PRKACA: variants seen among roughly 807,000 people sequenced by gnomAD.
PRKACA encodes protein kinase cAMP-activated catalytic subunit alpha, also known as cAMP-dependent protein kinase catalytic subunit alpha.
A neutral mutation model predicts 45.8 loss-of-function variants in PRKACA; 9 were observed. The ratio of observed to expected loss-of-function variants is 0.20; its 90% CI spans 0.12 to 0.34. PRKACA has a LOEUF of 0.34. Among genes scored for constraint, PRKACA ranks in the 10% least tolerant of loss-of-function variants. The pLI is 1.00. For missense variants in PRKACA, 238 were observed against 458.6 expected (o/e 0.52, Z 4.39); for synonymous variants, 160 against 178.6 (o/e 0.90, Z 0.83).
intron 4 of PRKACA, among the ~76,000 whole-genome samples, chr19:14,102,165 A>T (rs1977460971): frequency 6.6e-6 from 1 of 152,216 alleles, no homozygotes; most frequent in Non-Finnish European, 1.5e-5. Flanking sequence ...CTCTGTCTCA[A>T]CAAAAAAAAA....
chr19:14,097,350 C>T lies in PRKACA; in HGVS notation c.765+11G>A, dbSNP rs747584516. ...TTCTTCCAGGGCTGTGTCCCCACAT[C>T]CGGACCTCACCTTCCCAGAGACGAT... On this transcript the variant is annotated intron_variant, in intron 8 of 9. Transcript: ENST00000308677. This position sits in a 1 kb window ranked among gnomAD's most constrained non-coding sequence, Gnocchi z 5.4. 1.2e-6 allele frequency: 2 copies of T among 1,614,074 alleles called. No homozygotes were observed. Among genetic ancestry groups the T allele is most frequent in the South Asian group, 1.1e-5 (1 of 91,084 alleles).
intron 1 of PRKACA, chr19:14,112,797 A>C (rs1346595215): frequency 6.6e-6 from 1 of 152,490 alleles, no homozygotes; most frequent in Non-Finnish European, 1.5e-5. Flanking sequence ...CTCAGTGGGC[A>C]CTGGACTGTG....
In PRKACA at chr19:14,092,584, A is replaced by C; in HGVS notation, c.*528T>G. On this transcript the variant is annotated 3_prime_UTR_variant, in exon 10 of 10. Transcript: ENST00000308677. ...TTTTAAATTGTTGTTTTTTTAAAAAAATTCTAGCAAGCAACCCACTGAACA... is the reference window on the plus strand; with the variant it reads ...TTTTAAATTGTTGTTTTTTTAAAAACATTCTAGCAAGCAACCCACTGAACA... 2 of 398,644 alleles carry C rather than the reference A, an allele frequency of 5.0e-6. No homozygotes were observed. The highest frequency in any genetic ancestry group is 8.8e-6 in the Non-Finnish European group (2 of 226,056). 24.7% of individuals were successfully genotyped at this position (398,644 alleles called of 1,614,324 possible). A position where few individuals can be genotyped will look rare whatever the true frequency, so the allele number is the denominator to read the frequency against.
intron 8 of PRKACA, among the ~76,000 whole-genome samples, chr19:14,095,664 C>G (rs1481028548): frequency 1.3e-5 from 2 of 151,010 alleles, no homozygotes; most frequent in South Asian, 4.2e-4. Flanking sequence ...ATTACAGGCA[C>G]CCGCCACCAC....
rs1056500639 is a variant in PRKACA, at chr19:14,092,461, T to A, written c.*651A>T. 5.1e-6 allele frequency: 2 copies of A among 392,894 alleles called. No homozygotes were observed. Among genetic ancestry groups the A allele is most frequent in the Non-Finnish European group, 4.5e-6 (1 of 223,126 alleles). The allele number at this position is 392,894 out of a possible 1,614,324, so 24.3% of individuals were successfully genotyped here. The stretch of plus-strand genomic sequence containing the variant: ...CCAGCGCCTCCCTTTCCAAAGTCAG[T>A]CTGCTTCTCTTTAAAATGGATTTGA... On this transcript the variant is annotated 3_prime_UTR_variant, in exon 10 of 10. Coordinates refer to ENST00000308677, the MANE Select transcript of PRKACA (RefSeq NM_002730.4).
intron 1 of PRKACA, chr19:14,114,084 G>A (rs778781337): frequency 1.3e-5 from 20 of 1,585,888 alleles, no homozygotes; most frequent in Non-Finnish European, 1.5e-5. Flanking sequence ...CCTGACTTAA[G>A]GGGCAGAGTG....
At chr19:14,100,747 C>G (rs929061965) in intron 5 of PRKACA, 79 bp downstream of exon 5, 11 of 1,421,006 alleles carry the variant, frequency 7.7e-6, no homozygotes, top group Non-Finnish European at 1.1e-5. Flanking sequence ...GACTCCTCTG[C>G]ATTCCCAGGG....
At chr19:14,098,198 A>C in intron 5 of PRKACA, 1 of 273,190 alleles carries the variant, frequency 3.7e-6, no homozygotes, top group Non-Finnish European at 7.1e-6. Context: ...AAGCAAAAGA[A>C]GACACAAAAG....
At chr19:14,101,051 G>A in intron 4 of PRKACA, 143 bp from the exon 5 acceptor site, 2 of 701,802 alleles carry the variant, frequency 2.8e-6, no homozygotes, top group Admixed American at 2.2e-5. Flanking sequence ...TTCTACAGGG[G>A]CGACCCTTAT....
At chr19:14,115,449 C>T (rs1967087473) in intron 1 of PRKACA, among the ~76,000 whole-genome samples, 1 of 152,156 alleles carries the variant, frequency 6.6e-6, no homozygotes, top group African/African-American at 2.4e-5. Flanking sequence ...GGATGTGAAT[C>T]CTGCCTCTGT....
chr19:14,106,864 C>T lies in PRKACA; in HGVS notation c.133G>A (p.Glu45Lys). ...AQNTAHLDQF[E>K]RIKTLGTGSF... Reference sequence around the variant, plus strand: ...CCCGTGCCGAGGGTCTTGATTCGTTCAAACTGATCCAAGTGGGCTGTGTTC... The same window carrying T: ...CCCGTGCCGAGGGTCTTGATTCGTTTAAACTGATCCAAGTGGGCTGTGTTC... Residue 45 changes from glutamate to lysine, a missense_variant, in exon 3 of 10, where the codon GAA becomes AAA. Glu to Lys is a moderately conservative substitution (Grantham distance 56). Around this residue, in one of 3 missense-constraint regions of PRKACA, gnomAD observed 93 missense variants for 149.1 expected, o/e 0.62. Coordinates refer to ENST00000308677, the MANE Select transcript of PRKACA (RefSeq NM_002730.4). 6.2e-7 allele frequency: 1 copy of T among 1,614,146 alleles called. No individual in the cohort carries two copies. Among genetic ancestry groups the T allele is most frequent in the Non-Finnish European group, 8.5e-7 (1 of 1,180,004 alleles).
Position 14,098,458 on chromosome 19 carries a change from ATG to A in PRKACA, c.420-570_420-569del, listed in dbSNP as rs113064742. Reference sequence around the variant, plus strand: ...ACCTCACCTCTGTATGTATGTAGATATGTGTGTGTGTGTGTATATATATATAT... The same window carrying A: ...ACCTCACCTCTGTATGTATGTAGATATGTGTGTGTGTGTATATATATATAT... On this transcript the variant is annotated intron_variant, in intron 5 of 9. Transcript: ENST00000308677. The A allele has an allele frequency of 6.3e-3, 957 of 151,542 alleles. 10 individuals are homozygous for A. Among genetic ancestry groups the A allele is most frequent in the African/African-American group, 0.018 (753 of 40,824 alleles). 9.4% of individuals were successfully genotyped at this position (151,542 alleles called of 1,614,324 possible).
Position 14,117,565 on chromosome 19 carries a change from G to A in PRKACA, c.-18C>T. The A allele has an allele frequency of 8.6e-7, 1 of 1,159,372 alleles. No individual in the cohort carries two copies. The highest frequency in any genetic ancestry group is 1.1e-6 in the Non-Finnish European group (1 of 940,758). The allele number at this position is 1,159,372 out of a possible 1,614,324, so 71.8% of individuals were successfully genotyped here. A position where few individuals can be genotyped will look rare whatever the true frequency, so the allele number is the denominator to read the frequency against. ...TTGCCCATCGCGGCGGCGGCGGCCG[G>A]GGCCGGTCCCGGAGCTGCGGCGCGG... On this transcript the variant is annotated 5_prime_UTR_variant, in exon 1 of 10. Coordinates refer to ENST00000308677, the MANE Select transcript of PRKACA (RefSeq NM_002730.4).
intron 3 of PRKACA, among the ~76,000 whole-genome samples, chr19:14,103,803 C>G (rs947260086): frequency 6.6e-6 from 1 of 152,220 alleles, no homozygotes; most frequent in Non-Finnish European, 1.5e-5. Flanking sequence ...TGGTGGCTCA[C>G]GCCCGTAATC....
intron 1 of PRKACA, among the ~76,000 whole-genome samples, chr19:14,109,963 A>AAAAAAAT (rs1966909514): frequency 2.2e-5 from 1 of 45,178 alleles, no homozygotes; most frequent in Non-Finnish European, 4.3e-5. Flanking sequence ...AAAAAAAAAA[A>AAAAAAAT]AAATATATAT....
chr19:14,117,628 GGGCGGC>G lies in PRKACA; in HGVS notation c.-87_-82del. 2 of 858,922 alleles carry G rather than the reference GGGCGGC, an allele frequency of 2.3e-6. No individual in the cohort carries two copies. The highest frequency in any genetic ancestry group is 2.8e-6 in the Non-Finnish European group (2 of 716,978). 53.2% of individuals were successfully genotyped at this position (858,922 alleles called of 1,614,324 possible). The stretch of plus-strand genomic sequence containing the variant: ...GCGGCCGGCGGCCCCGGAGCGCGCT[GGGCGGC>G]GGCGGCGGCGGCCCTCGGGCTGGCT... On this transcript the variant is annotated 5_prime_UTR_variant, in exon 1 of 10. Transcript: ENST00000308677.
rs987128088 is a variant in PRKACA, at chr19:14,092,568, G to T, written c.*544C>A. 2.5e-6 allele frequency: 1 copy of T among 398,632 alleles called. No individual in the cohort carries two copies. Among genetic ancestry groups the T allele is most frequent in the African/African-American group, 2.1e-5 (1 of 48,542 alleles). 24.7% of individuals were successfully genotyped at this position (398,632 alleles called of 1,614,324 possible). A position where few individuals can be genotyped will look rare whatever the true frequency, so the allele number is the denominator to read the frequency against. On this transcript the variant is annotated 3_prime_UTR_variant, in exon 10 of 10. Transcript: ENST00000308677. ...TGGAACTTAAATAAGATTTTAAATT[G>T]TTGTTTTTTTAAAAAAATTCTAGCA...
Position 14,106,856 on chromosome 19 carries a change from G to C in PRKACA, c.141C>G (p.Ile47Met). 1 of 1,614,186 alleles carries C rather than the reference G, an allele frequency of 6.2e-7. No individual in the cohort carries two copies. Among genetic ancestry groups the C allele is most frequent in the Non-Finnish European group, 8.5e-7 (1 of 1,180,012 alleles). ...CGAAGGAGCCCGTGCCGAGGGTCTT[G>C]ATTCGTTCAAACTGATCCAAGTGGG... is the stretch of plus-strand genomic sequence containing the variant. Reference protein sequence around the residue: ...NTAHLDQFERIKTLGTGSFGR... With the variant: ...NTAHLDQFERMKTLGTGSFGR... Residue 47 changes from isoleucine to methionine, a missense_variant, in exon 3 of 10, where the codon ATC becomes ATG. By Grantham distance (10) the Ile-to-Met change is conservative. Coordinates refer to ENST00000308677, the MANE Select transcript of PRKACA (RefSeq NM_002730.4).
intron 1 of PRKACA, chr19:14,108,134 C>T (rs1977667445): frequency 1.0e-6 from 1 of 985,414 alleles, no homozygotes; most frequent in South Asian, 4.7e-5. Context: ...TCATTCTCGT[C>T]TCTGCTGAGA....
Sources: allele counts gnomAD v4.1 joint callset (sites outside exome capture counted in the v4.1 genomes callset), GRCh38; gene constraint gnomAD v4.1.1; regional missense constraint gnomAD v4.1.1; non-coding constraint Gnocchi (gnomAD v3.1); transcripts MANE v1.5; gene names NCBI Gene and HGNC (gene_info 2026-07-23, HGNC 2026-07-21).